Variants in BNIP1 observed in about 807,000 individuals in gnomAD.
BNIP1 encodes vesicle transport protein SEC20.
A neutral mutation model predicts 28.5 loss-of-function variants in BNIP1; 25 were observed. The ratio of observed to expected loss-of-function variants is 0.88; its 90% CI spans 0.64 to 1.23. BNIP1 has a LOEUF of 1.23. BNIP1 is among the 50% of genes most tolerant of loss of function. The pLI, the probability that BNIP1 is intolerant of heterozygous loss-of-function variation, is 0.00. For missense variants in BNIP1, 276 were observed against 277.0 expected, an observed-to-expected ratio of 1.00 and a Z score of 0.02; for synonymous variants, 118 against 101.7, an observed-to-expected ratio of 1.16 and a Z score of -0.96.
chr5:173,155,425 G>C (rs1004620490), intron 3 of BNIP1, among the ~76,000 whole-genome samples: 1 of 152,172 alleles, frequency 6.6e-6, no homozygotes, highest in African/African-American at 2.4e-5. Context: ...TTTTGGCCCA[G>C]TGCGGCGGCT....
At chr5:173,153,664 C>G (rs950375409) in intron 2 of BNIP1, among the ~76,000 whole-genome samples, 15 of 151,858 alleles carry the variant, frequency 9.9e-5, no homozygotes, top group Non-Finnish European at 1.9e-4. Flanking sequence ...TTTAACCCCT[C>G]TATTTGGAAC....
chr5:173,146,704 A>T (rs1477257682), intron 1 of BNIP1, among the ~76,000 whole-genome samples, 162 bp from the exon 2 acceptor site: 1 of 152,212 alleles, frequency 6.6e-6, no homozygotes, highest in Non-Finnish European at 1.5e-5. Flanking sequence ...TGTAAATGAT[A>T]ATGTTTTTGC....
At chr5:173,150,843 T>G (rs1005388316) in intron 2 of BNIP1, among the ~76,000 whole-genome samples, 2 of 152,046 alleles carry the variant, frequency 1.3e-5, no homozygotes, top group African/African-American at 4.8e-5. Context: ...CTTTTGTTTT[T>G]TTGTTTTTTT....
chr5:173,163,062 G>A (rs1256409656), intron 5 of BNIP1, among the ~76,000 whole-genome samples: 1 of 152,126 alleles, frequency 6.6e-6, no homozygotes, highest in African/African-American at 2.4e-5. Context: ...GGAGAACCTC[G>A]CCAGGTACAC....
At chr5:173,154,686 CTAATTTTTGTATTTT>C in intron 3 of BNIP1, among the ~76,000 whole-genome samples, 1 of 152,160 alleles carries the variant, frequency 6.6e-6, no homozygotes, top group Non-Finnish European at 1.5e-5. Context: ...TCACGCCTGG[CTAATTTTTGTATTTT>C]TACTAGAGAC....
At chr5:173,157,514 AAGTGATT>A (rs1315436166) in intron 3 of BNIP1, among the ~76,000 whole-genome samples, 7 of 151,632 alleles carry the variant, frequency 4.6e-5, no homozygotes, top group Non-Finnish European at 7.4e-5. Flanking sequence ...TCCTAGATTC[AAGTGATT>A]TTCCTGCCTC....
At chr5:173,157,436 C>T (rs1476405267) in intron 3 of BNIP1, among the ~76,000 whole-genome samples, 4 of 150,724 alleles carry the variant, frequency 2.7e-5, no homozygotes, top group African/African-American at 7.3e-5. Flanking sequence ...TTTTTTGAGA[C>T]GGAGTCTTAC....
At position 173,163,873 on chromosome 5, in the gene BNIP1, T is replaced by G. The variant is rs773756853; in HGVS notation, c.639T>G (p.Leu213=). 1 of 1,613,870 alleles carries G rather than the reference T, an allele frequency of 6.2e-7. No homozygotes were observed. Among genetic ancestry groups the G allele is most frequent in the Non-Finnish European group, 8.5e-7 (1 of 1,179,892 alleles). Residue 213 remains leucine (L), a synonymous_variant, in exon 6 of 6, where the codon CTT becomes CTG. Transcript: ENST00000351486. The stretch of plus-strand genomic sequence containing the variant: ...TCTTCCTTGCGCTAGCCCTGTTTCT[T>G]GCTACGGTCCTCTATATTGTGAAAA... ...LLIFLALALF[L]ATVLYIVKKR...
At chr5:173,151,545 CAT>C in intron 2 of BNIP1, 1 of 1,341,588 alleles carries the variant, frequency 7.5e-7, no homozygotes, top group Non-Finnish European at 1.0e-6. Flanking sequence ...AAATAACTGT[CAT>C]TTTTTTTTTT....
At chr5:173,148,716 C>T (rs931767482) in intron 2 of BNIP1, among the ~76,000 whole-genome samples, 6 of 151,512 alleles carry the variant, frequency 4.0e-5, no homozygotes, top group African/African-American at 1.5e-4. Flanking sequence ...CTCTTCATGC[C>T]CCTCTACTTG....
chr5:173,162,862 C>T (rs181604770), intron 5 of BNIP1, among the ~76,000 whole-genome samples: 21 of 152,284 alleles, frequency 1.4e-4, no homozygotes, highest in Non-Finnish European at 1.5e-5. Context: ...GAGGCAACCT[C>T]TGTAACCAGT....
At chr5:173,151,464 G>T (rs372027842) in intron 2 of BNIP1, 1 of 1,199,062 alleles carries the variant, frequency 8.3e-7, no homozygotes, top group East Asian at 2.4e-5. Context: ...TCAAGTGATT[G>T]CCTGCCTCAG....
intron 2 of BNIP1, among the ~76,000 whole-genome samples, chr5:173,150,309 G>A (rs1759979851): frequency 6.7e-6 from 1 of 149,224 alleles, no homozygotes; most frequent in Non-Finnish European, 1.5e-5. Flanking sequence ...GGCCCCCAAA[G>A]CCCACCAGCA....
At chr5:173,152,507 G>A (rs552951125) in intron 2 of BNIP1, among the ~76,000 whole-genome samples, 4 of 152,046 alleles carry the variant, frequency 2.6e-5, no homozygotes, top group East Asian at 1.9e-4. Context: ...CCGCCACCAC[G>A]CCTGGCTAAT....
At chr5:173,145,469 T>A (rs1392775056) in intron 1 of BNIP1, among the ~76,000 whole-genome samples, 1 of 152,224 alleles carries the variant, frequency 6.6e-6, no homozygotes, top group East Asian at 1.9e-4. Flanking sequence ...TGGCGCGATC[T>A]CGACTCGCGG....
intron 2 of BNIP1, chr5:173,151,755 C>T (rs1215814099): frequency 1.2e-6 from 2 of 1,603,232 alleles, no homozygotes; most frequent in South Asian, 1.1e-5. Context: ...ATTTCCTTCA[C>T]TCATTAAAAT....
In BNIP1 at chr5:173,148,081, AAAATATATATATATATATATATATATAT is replaced by A. The variant is rs1305830126; in HGVS notation, c.177+1125_177+1152del. 9.5e-4 allele frequency among the ~76,000 whole-genome samples: 49 copies of A among 51,702 alleles called. 6 individuals are homozygous for A. Among genetic ancestry groups the A allele is most frequent in the African/African-American group, 4.3e-3 (44 of 10,150 alleles). The allele number at this position is 51,702 out of a possible 152,430, so 33.9% of individuals were successfully genotyped here. On this transcript the variant is annotated intron_variant, in intron 2 of 5. Coordinates refer to ENST00000351486, the MANE Select transcript of BNIP1 (RefSeq NM_001205.3). ...CTGTGTCAAAAAAAAAAAAAAAAAA[AAAATATATATATATATATATATATATAT>A]ATATATATATATATATATATATATA...
chr5:173,147,011 C>T, intron 2 of BNIP1, 53 bp downstream of exon 2: 4 of 1,431,074 alleles, frequency 2.8e-6, no homozygotes, highest in Non-Finnish European at 3.9e-6. Context: ...GGTATATCCT[C>T]TGCTTGAGAG....
At chr5:173,152,939 T>C (rs2113846917) in intron 2 of BNIP1, among the ~76,000 whole-genome samples, 1 of 152,302 alleles carries the variant, frequency 6.6e-6, no homozygotes, top group Admixed American at 6.5e-5. Flanking sequence ...AGCTAGAACC[T>C]GTTTTAATTT....
Sources: allele counts gnomAD v4.1 joint callset (sites outside exome capture counted in the v4.1 genomes callset), GRCh38; gene constraint gnomAD v4.1.1; transcripts MANE v1.5; gene names NCBI Gene and HGNC (gene_info 2026-07-23, HGNC 2026-07-21).